TRIP10: variants seen among roughly 807,000 people sequenced by gnomAD.
TRIP10 encodes cdc42-interacting protein 4.
A neutral mutation model predicts 80.9 loss-of-function variants in TRIP10; 54 were observed. That is an observed-to-expected ratio of 0.67 (90% CI 0.54 to 0.84). The LOEUF is 0.84. Among genes scored for constraint, TRIP10 ranks in the 40% least tolerant of loss-of-function variants. The pLI is 0.00. For synonymous variants in TRIP10, 321 were observed against 307.2 expected, an observed-to-expected ratio of 1.04 and a Z score of -0.47; for missense variants, 773 against 815.3, an observed-to-expected ratio of 0.95 and a Z score of 0.63.
chr19:6,749,083 CCTT>C (rs939122185), intron 11 of TRIP10, among the ~76,000 whole-genome samples: 5 of 152,006 alleles, frequency 3.3e-5, no homozygotes, highest in African/African-American at 1.2e-4. Flanking sequence ...CCCTGCCCCC[CCTT>C]CTTTTTTTAT....
chr19:6,740,688 G>T (rs1281779044), intron 1 of TRIP10: 2 of 265,004 alleles, frequency 7.5e-6, no homozygotes, highest in East Asian at 7.6e-5. Flanking sequence ...TCCGGAATCC[G>T]GGGGGATTAG....
rs1409207074 is a variant in TRIP10, at chr19:6,743,766, C to T, written c.572C>T (p.Ala191Val). 3.7e-6 allele frequency: 6 copies of T among 1,613,966 alleles called. No individual in the cohort carries two copies. The highest frequency in any genetic ancestry group is 1.3e-5 in the African/African-American group (1 of 74,890). Residue 191 changes from alanine (A) to valine (V), a missense_variant, in exon 7 of 15, where the codon GCG (alanine) becomes GTG (valine). Coordinates refer to ENST00000313244, the MANE Select transcript of TRIP10 (RefSeq NM_001288962.2). ...GCCGAAGAAAGCAAAAACGAATATGCGGCTCAACTGCAGCGCTTCAACCGA... is the reference window on the plus strand; with the variant it reads ...GCCGAAGAAAGCAAAAACGAATATGTGGCTCAACTGCAGCGCTTCAACCGA... Reference protein sequence around the residue: ...HMAEESKNEYAAQLQRFNRDQ... With the variant: ...HMAEESKNEYVAQLQRFNRDQ...
rs760716635 is a variant in TRIP10 at position 6,743,009 on chromosome 19, G to A, written c.240G>A (p.Val80=). Residue 80 remains valine (V), a synonymous_variant, in exon 4 of 15, where the codon GTG becomes GTA. Coordinates refer to ENST00000313244, the MANE Select transcript of TRIP10 (RefSeq NM_001288962.2). ...QQSFVQILQE[V]NDFAGQRELV... ...CCTTCGTACAGATTCTCCAGGAGGT[G>A]AATGACTTTGCAGGCCAGCGGGAGC... 1 of 1,614,164 alleles carries A rather than the reference G, an allele frequency of 6.2e-7. No homozygotes were observed. Among genetic ancestry groups the A allele is most frequent in the Admixed American group, 1.7e-5 (1 of 60,014 alleles).
At chr19:6,749,848 C>T in intron 11 of TRIP10, 86 bp from the exon 12 acceptor site, 2 of 1,532,490 alleles carry the variant, frequency 1.3e-6, no homozygotes, top group East Asian at 4.5e-5. Flanking sequence ...AGAATGAGAC[C>T]CTGACTCAAA....
In TRIP10 at chr19:6,744,546, C is replaced by T; in HGVS notation, c.643-8C>T. ...ACCCCTGAGCCACCCTTGTCCCTGT[C>T]CTTACAGAAGCTCCAAGACATGGAT... On this transcript the variant is annotated splice_polypyrimidine_tract_variant and splice_region_variant and intron_variant, in intron 7 of 14. Coordinates refer to ENST00000313244, the MANE Select transcript of TRIP10 (RefSeq NM_001288962.2). This position sits in a 1 kb window ranked among gnomAD's most constrained non-coding sequence, Gnocchi z 4.9. The T allele has an allele frequency of 6.2e-7, 1 of 1,613,966 alleles. No individual in the cohort carries two copies. The highest frequency in any genetic ancestry group is 8.5e-7 in the Non-Finnish European group (1 of 1,179,996).
At position 6,746,039 on chromosome 19, in the gene TRIP10, C is replaced by G. The variant is rs1003897973; in HGVS notation, c.995C>G (p.Pro332Arg). The G allele has an allele frequency of 2.4e-6, 3 of 1,228,634 alleles. No homozygotes were observed. The highest frequency in any genetic ancestry group is 1.8e-5 in the South Asian group (1 of 55,768). The allele number at this position is 1,228,634 out of a possible 1,614,324, so 76.1% of individuals were successfully genotyped here. Residue 332 changes from proline to arginine, a missense_variant, in exon 10 of 15, where the codon CCA becomes CGA. Coordinates refer to ENST00000313244, the MANE Select transcript of TRIP10 (RefSeq NM_001288962.2). The surrounding 1 kb of genome is among the most constrained non-coding windows in gnomAD (Gnocchi z 6.2). ...GGCCCCCGCCGGTAGCCTCGCCCCC[C>G]ACCCCTCTCCCCCCTGGGGGGCCCC... ...PFGKKNKPRP[P>R]PLSPLGGPVP...
rs145584075 is a variant in TRIP10, at chr19:6,743,615, C to CGGG, written c.513+25_513+27dup. ...GTGGAGAAGGTGTGTGTGGCGGGGGCGGGGGGGGGGTGCGGGGTCTGGGAC... is the reference window on the plus strand; with the variant it reads ...GTGGAGAAGGTGTGTGTGGCGGGGGCGGGGGGGGGGGGGTGCGGGGTCTGGGAC... On this transcript the variant is annotated intron_variant, in intron 6 of 14. Transcript: ENST00000313244. 6 of 771,524 alleles carry CGGG rather than the reference C, an allele frequency of 7.8e-6. No homozygotes were observed. Among genetic ancestry groups the CGGG allele is most frequent in the East Asian group, 9.9e-5 (2 of 20,134 alleles). The allele number at this position is 771,524 out of a possible 1,614,324, so 47.8% of individuals were successfully genotyped here.
At chr19:6,740,883 C>T in intron 1 of TRIP10, 127 bp from the exon 2 acceptor site, 1 of 773,794 alleles carries the variant, frequency 1.3e-6, no homozygotes, top group South Asian at 1.8e-5. Flanking sequence ...GGGGCGGCGC[C>T]GGGAAGCCAC....
chr19:6,750,155 G>A (rs931148329), intron 12 of TRIP10, 89 bp downstream of exon 12: 2 of 1,565,410 alleles, frequency 1.3e-6, no homozygotes, highest in Non-Finnish European at 1.7e-6. Flanking sequence ...CAGGGGAGGT[G>A]TTCGGAGCGG....
At chr19:6,747,666 G>A (rs577096358) in intron 11 of TRIP10, among the ~76,000 whole-genome samples, 7 of 152,124 alleles carry the variant, frequency 4.6e-5, no homozygotes, top group Admixed American at 2.6e-4. Context: ...TGTGGCACGC[G>A]CCTGTAATTC....
chr19:6,744,938 C>T lies in TRIP10; in HGVS notation c.928C>T (p.Leu310Phe), dbSNP rs1225204523. 6.2e-7 allele frequency: 1 copy of T among 1,614,092 alleles called. No homozygotes were observed. Among genetic ancestry groups the T allele is most frequent in the Non-Finnish European group, 8.5e-7 (1 of 1,180,020 alleles). Residue 310 changes from leucine (L) to phenylalanine (F), a missense_variant, in exon 9 of 15, where the codon CTC (leucine) becomes TTC (phenylalanine). Physicochemically the swap from Leu to Phe is conservative, Grantham distance 22. Transcript: ENST00000313244. This position sits in a 1 kb window ranked among gnomAD's most constrained non-coding sequence, Gnocchi z 4.9. Reference protein sequence around the residue: ...LGTPSDGRPELRGPGRSRTKR... With the variant: ...LGTPSDGRPEFRGPGRSRTKR... ...CACCCCCTCGGATGGACGGCCTGAA[C>T]TCCGAGGCCCGGGTCGCAGCCGCAC...
Position 6,745,827 on chromosome 19 carries a change from T to C in TRIP10, c.985-202T>C, listed in dbSNP as rs1404584257. 10 of 985,280 alleles carry C rather than the reference T, an allele frequency of 1.0e-5. No homozygotes were observed. Among genetic ancestry groups the C allele is most frequent in the South Asian group, 4.7e-5 (1 of 21,288 alleles). The allele number at this position is 985,280 out of a possible 1,614,324, so 61.0% of individuals were successfully genotyped here. On this transcript the variant is annotated intron_variant, in intron 9 of 14. Transcript: ENST00000313244. This position sits in a 1 kb window ranked among gnomAD's most constrained non-coding sequence, Gnocchi z 7.2. Reference sequence around the variant, plus strand: ...TTTTTTGTGTCGCTCCTGCATGCGTTTTCTCTGTGTGGTTGTGCATCTTGA... The same window carrying C: ...TTTTTTGTGTCGCTCCTGCATGCGTCTTCTCTGTGTGGTTGTGCATCTTGA...
In TRIP10 at chr19:6,743,839, G is replaced by A; in HGVS notation, c.642+3G>A. On this transcript the variant is annotated splice_donor_region_variant and intron_variant, in intron 7 of 14. Transcript: ENST00000313244. ...CACAGATGCCCCAGATATTCGATGT[G>A]AGTGCTCCCAGTTCTCAGACCTACC... 1 of 1,613,670 alleles carries A rather than the reference G, an allele frequency of 6.2e-7. No homozygotes were observed. Among genetic ancestry groups the A allele is most frequent in the Non-Finnish European group, 8.5e-7 (1 of 1,179,896 alleles).
In TRIP10 at chr19:6,750,627, T is replaced by C. The variant is rs756843391; in HGVS notation, c.1651T>C (p.Phe551Leu). 4 of 1,613,972 alleles carry C rather than the reference T, an allele frequency of 2.5e-6. No individual in the cohort carries two copies. Among genetic ancestry groups the C allele is most frequent in the Non-Finnish European group, 3.4e-6 (4 of 1,179,928 alleles). ...PIGHCVAIYH[F>L]EGSSEGTISM... The stretch of plus-strand genomic sequence containing the variant: ...AGGTCACTGTGTGGCCATCTACCAC[T>C]TTGAAGGTGAGAACGGCCAGAGTGG... The change falls in exon 14 of 15, where the codon TTT becomes CTT. Residue 551 changes from phenylalanine (F) to leucine (L), a missense_variant. Transcript: ENST00000313244.
At chr19:6,742,835 G>T in intron 3 of TRIP10, 132 bp from the exon 4 acceptor site, 3 of 1,229,762 alleles carry the variant, frequency 2.4e-6, no homozygotes, top group East Asian at 2.4e-5. Flanking sequence ...ATATGGACCA[G>T]AATTTGTCAT....
intron 1 of TRIP10, 130 bp from the exon 2 acceptor site, chr19:6,740,880 C>A: frequency 4.0e-6 from 3 of 744,866 alleles, no homozygotes; most frequent in South Asian, 1.9e-5. Context: ...GCCGGGGCGG[C>A]GCCGGGAAGC....
Position 6,745,161 on chromosome 19 carries a change from G to A in TRIP10, c.984+167G>A, listed in dbSNP as rs185566533. On this transcript the variant is annotated intron_variant, in intron 9 of 14. Transcript: ENST00000313244. This position sits in a 1 kb window ranked among gnomAD's most constrained non-coding sequence, Gnocchi z 7.2. ...GGAAGGAAGGCGGCCGATTGGCCTG[G>A]GAGTCCCCCGAGGCGAAGGCGGGGG... 2.0e-6 allele frequency: 2 copies of A among 978,614 alleles called. No individual in the cohort carries two copies. The highest frequency in any genetic ancestry group is 3.3e-5 in the African/African-American group (2 of 60,254). The allele number at this position is 978,614 out of a possible 1,614,324, so 60.6% of individuals were successfully genotyped here.
Position 6,746,574 on chromosome 19 carries a change from G to A in TRIP10, c.1262+13G>A. The A allele has an allele frequency of 6.2e-7, 1 of 1,603,248 alleles. No homozygotes were observed. The highest frequency in any genetic ancestry group is 8.5e-7 in the Non-Finnish European group (1 of 1,170,208). On this transcript the variant is annotated intron_variant, in intron 11 of 14. Transcript: ENST00000313244. This position sits in a 1 kb window ranked among gnomAD's most constrained non-coding sequence, Gnocchi z 6.2. ...AGGTTGACCAGAGGTAAGGTGGTGG[G>A]GTAGGGAAGGACAGGCAAGGAACAT...
chr19:6,743,870 G>A (rs373671680), intron 7 of TRIP10, 34 bp downstream of exon 7: 22 of 1,609,662 alleles, frequency 1.4e-5, no homozygotes, highest in Middle Eastern at 1.6e-4. Flanking sequence ...CTACCTTCCC[G>A]AAAGCCTCCA....
Sources: allele counts gnomAD v4.1 joint callset (sites outside exome capture counted in the v4.1 genomes callset), GRCh38; gene constraint gnomAD v4.1.1; non-coding constraint Gnocchi (gnomAD v3.1); transcripts MANE v1.5; gene names NCBI Gene and HGNC (gene_info 2026-07-23, HGNC 2026-07-21).